Variants in RAD18 observed in about 807,000 individuals in gnomAD.
RAD18 encodes the protein E3 ubiquitin-protein ligase RAD18.
Under a neutral mutation model 60.4 loss-of-function variants are expected in RAD18, and 47 were observed. The observed-to-expected ratio is 0.78, with a 90% CI of 0.62 to 0.99. The LOEUF (loss-of-function observed/expected upper bound fraction) is 0.99. Ranked by LOEUF, RAD18 falls within the 50% of genes least tolerant of loss-of-function variation. RAD18 has a pLI of 0.00. For missense variants in RAD18, 640 were observed against 593.3 expected, an observed-to-expected ratio of 1.08 and a Z score of -0.82; for synonymous variants, 225 against 195.5, an observed-to-expected ratio of 1.15 and a Z score of -1.26.
chr3:8,892,906 T>A (rs770924281), intron 11 of RAD18, among the ~76,000 whole-genome samples: 6 of 152,224 alleles, frequency 3.9e-5, no homozygotes, highest in Non-Finnish European at 7.3e-5. Flanking sequence ...TTACTTAACT[T>A]TCCTCTGTGT....
chr3:8,957,038 T>C (rs1181765587), intron 2 of RAD18, among the ~76,000 whole-genome samples: 1 of 152,192 alleles, frequency 6.6e-6, no homozygotes, highest in Non-Finnish European at 1.5e-5. Flanking sequence ...CATGATTGTG[T>C]ATGCAAAAAT....
At chr3:8,903,502 A>C (rs1939950063) in intron 9 of RAD18, among the ~76,000 whole-genome samples, 1 of 152,088 alleles carries the variant, frequency 6.6e-6, no homozygotes, top group Non-Finnish European at 1.5e-5. Flanking sequence ...CTCCCAACCA[A>C]TTCTACCTTA....
chr3:8,941,677 A>C lies in RAD18; in HGVS notation c.394T>G (p.Leu132Val). 1 of 1,614,100 alleles carries C rather than the reference A, an allele frequency of 6.2e-7. No homozygotes were observed. The highest frequency in any genetic ancestry group is 8.5e-7 in the Non-Finnish European group (1 of 1,180,008). ...TCTCTGATCAAGAAATTATCCATTA[A>C]CCTGCTCCCCTGCTTTAAAGACTGT... ...SRQSLKQGSR[L>V]MDNFLIREMS... Residue 132 changes from leucine to valine, a missense_variant, in exon 5 of 13, where the codon TTA becomes GTA. Physicochemically the swap from Leu to Val is conservative, Grantham distance 32 (BLOSUM62 1). Transcript: ENST00000264926.
chr3:8,940,877 C>T (rs562555370), intron 5 of RAD18, among the ~76,000 whole-genome samples: 1 of 152,274 alleles, frequency 6.6e-6, no homozygotes, highest in Admixed American at 6.5e-5. Flanking sequence ...TGCAACTCTG[C>T]CACTGTAGAA....
rs552902928 is a variant in RAD18, at chr3:8,926,412, T to C, written c.889+9459A>G. On this transcript the variant is annotated intron_variant, in intron 7 of 12. Coordinates refer to ENST00000264926, the MANE Select transcript of RAD18 (RefSeq NM_020165.4). Reference sequence around the variant, plus strand: ...CATTGCTCAATGAAATAAAACAGGATACAAACAAATGGAAGAACATTCCAT... The same window carrying C: ...CATTGCTCAATGAAATAAAACAGGACACAAACAAATGGAAGAACATTCCAT... Among the ~76,000 whole-genome samples, 18 of 152,146 alleles carry C rather than the reference T, an allele frequency of 1.2e-4. No homozygotes were observed. In the South Asian group the frequency reaches 3.5e-3, roughly 30 times the overall value.
At chr3:8,933,596 C>G (rs1285142239) in intron 7 of RAD18, among the ~76,000 whole-genome samples, 1 of 152,088 alleles carries the variant, frequency 6.6e-6, no homozygotes. Flanking sequence ...AATAAAACAT[C>G]GTGTACCACT....
intron 7 of RAD18, among the ~76,000 whole-genome samples, chr3:8,934,994 C>G (rs1050478553): frequency 3.3e-5 from 5 of 152,100 alleles, no homozygotes; most frequent in African/African-American, 1.2e-4. Flanking sequence ...ATTTAAAGAT[C>G]AAACATAGGC....
chr3:8,927,271 A>G (rs1443996077), intron 7 of RAD18, among the ~76,000 whole-genome samples: 1 of 152,272 alleles, frequency 6.6e-6, no homozygotes, highest in East Asian at 1.9e-4. Flanking sequence ...ACACTTCTCA[A>G]AAGAAGACAT....
At chr3:8,909,842 GA>G (rs1308841809) in intron 9 of RAD18, among the ~76,000 whole-genome samples, 6 of 151,958 alleles carry the variant, frequency 3.9e-5, no homozygotes, top group Admixed American at 1.3e-4. Flanking sequence ...GCTGATGAGA[GA>G]AAAAAAATTA....
rs905069243 is a variant in RAD18, at chr3:8,895,492, C to G, written c.1322+3402G>C. On this transcript the variant is annotated intron_variant, in intron 11 of 12. Transcript: ENST00000264926. ...GTTTTTCTAATAATTCCAATACCCT[C>G]TAAATTACAAAGTTTCATTAATATA... Among the ~76,000 whole-genome samples the G allele has an allele frequency of 5.3e-5, 8 of 152,298 alleles. No individual in the cohort carries two copies. In the East Asian group the frequency reaches 1.4e-3, roughly 26 times the overall value.
intron 2 of RAD18, among the ~76,000 whole-genome samples, chr3:8,951,526 A>C (rs886783711): frequency 2.0e-5 from 3 of 152,254 alleles, no homozygotes; most frequent in Non-Finnish European, 4.4e-5. Context: ...TTTAGGTCAG[A>C]AACTCCAATC....
chr3:8,912,147 CA>C (rs45603638), intron 9 of RAD18, among the ~76,000 whole-genome samples, 164 bp downstream of exon 9: 2 of 152,006 alleles, frequency 1.3e-5, no homozygotes, highest in South Asian at 4.1e-4. Flanking sequence ...ATATAAAATA[CA>C]AAAAAAGTCA....
chr3:8,948,681 T>G, intron 2 of RAD18, 111 bp from the exon 3 acceptor site: 1 of 849,268 alleles, frequency 1.2e-6, no homozygotes, highest in Non-Finnish European at 1.8e-6. Flanking sequence ...CTAAGGTATA[T>G]CATCATAAGC....
chr3:8,939,732 C>A, intron 5 of RAD18, 79 bp from the exon 6 acceptor site: 1 of 1,199,314 alleles, frequency 8.3e-7, no homozygotes, highest in Admixed American at 2.3e-5. Flanking sequence ...ATCTTTTCAG[C>A]AAGTAAAGTA....
intron 2 of RAD18, among the ~76,000 whole-genome samples, chr3:8,950,982 A>C (rs1323002873): frequency 6.6e-6 from 1 of 152,228 alleles, no homozygotes; most frequent in Non-Finnish European, 1.5e-5. Flanking sequence ...AGAGAAAAAA[A>C]GACAGGAAAA....
chr3:8,890,477 G>C, intron 11 of RAD18, 26 bp from the exon 12 acceptor site: 4 of 1,488,526 alleles, frequency 2.7e-6, no homozygotes, highest in Non-Finnish European at 3.7e-6. Context: ...CATCAGTATT[G>C]ACAGACAACA....
At chr3:8,943,892 C>G (rs1940797122) in intron 4 of RAD18, among the ~76,000 whole-genome samples, 1 of 152,138 alleles carries the variant, frequency 6.6e-6, no homozygotes, top group Non-Finnish European at 1.5e-5. Flanking sequence ...AACCACCACT[C>G]TAAGCTTCCA....
At chr3:8,955,744 G>C (rs1027062060) in intron 2 of RAD18, among the ~76,000 whole-genome samples, 1 of 152,110 alleles carries the variant, frequency 6.6e-6, no homozygotes, top group Non-Finnish European at 1.5e-5. Context: ...CAAATCTCTC[G>C]GCTTGGAAAT....
chr3:8,908,025 T>G (rs1940042442), intron 9 of RAD18, among the ~76,000 whole-genome samples: 1 of 152,134 alleles, frequency 6.6e-6, no homozygotes, highest in South Asian at 2.1e-4. Flanking sequence ...AACTATCCCA[T>G]AATACGGGGG....
Sources: gnomAD v4.1 joint callset for allele counts (sites outside exome capture counted in the v4.1 genomes callset) on GRCh38, gnomAD v4.1.1 for gene constraint, MANE v1.5 for transcripts, NCBI Gene and HGNC (gene_info 2026-07-23, HGNC 2026-07-21) for gene names.